Variants in WHRN observed in about 807,000 individuals in gnomAD.
WHRN encodes whirlin.
WHRN carries 41 observed loss-of-function variants against 68.3 expected under a neutral mutation model. That is an observed-to-expected ratio of 0.60 (90% CI 0.47 to 0.78). The LOEUF (loss-of-function observed/expected upper bound fraction) is 0.78, where lower values mean the gene tolerates loss of function less well. Among genes scored for constraint, WHRN ranks in the 30% least tolerant of loss-of-function variants. The pLI is 0.00. For missense variants in WHRN, 1,243 were observed against 1,244.7 expected (o/e 1.00, Z 0.02); for synonymous variants, 560 against 561.3 (o/e 1.00, Z 0.03).
At chr9:114,438,653 C>CG (rs773320500) in intron 3 of WHRN, among the ~76,000 whole-genome samples, 12 of 151,960 alleles carry the variant, frequency 7.9e-5, no homozygotes, top group Admixed American at 3.3e-4. Context: ...GGGGTTTCAC[C>CG]TGTTAGCCAG....
intron 2 of WHRN, among the ~76,000 whole-genome samples, chr9:114,466,953 G>A (rs904486209): frequency 6.7e-6 from 1 of 149,786 alleles, no homozygotes; most frequent in Non-Finnish European, 1.5e-5. Context: ...GTCACCTCAG[G>A]GTCTCCTGTC....
At chr9:114,450,343 C>T (rs1469899339) in intron 3 of WHRN, among the ~76,000 whole-genome samples, 1 of 152,164 alleles carries the variant, frequency 6.6e-6, no homozygotes, top group African/African-American at 2.4e-5. Flanking sequence ...GAGGGACAGG[C>T]AGGATTAGCC....
intron 1 of WHRN, among the ~76,000 whole-genome samples, chr9:114,487,132 A>AAT (rs1052504595): frequency 3.4e-5 from 5 of 149,102 alleles, no homozygotes; most frequent in African/African-American, 9.9e-5. Flanking sequence ...TAAATTAGTC[A>AAT]ATATATATAT....
Position 114,418,610 on chromosome 9 carries a change from G to GC in WHRN, c.1626+4703dup, listed in dbSNP as rs201913550. Reference sequence around the variant, plus strand: ...CAGAGTCAAAGTCCTCAGCATGTCTGCCCCCGTACTCCCTCTGCTCTGGCC... The same window carrying GC: ...CAGAGTCAAAGTCCTCAGCATGTCTGCCCCCCGTACTCCCTCTGCTCTGGCC... On this transcript the variant is annotated intron_variant, in intron 7 of 11. Transcript: ENST00000362057. 2.9e-3 allele frequency among the ~76,000 whole-genome samples: 439 copies of GC among 152,320 alleles called. 6 individuals are homozygous for GC. Among genetic ancestry groups the GC allele is most frequent in the African/African-American group, 0.01 (422 of 41,574 alleles).
At chr9:114,471,666 G>C in intron 2 of WHRN, among the ~76,000 whole-genome samples, 1 of 152,216 alleles carries the variant, frequency 6.6e-6, no homozygotes, top group East Asian at 1.9e-4. Context: ...CTAGGTCCAA[G>C]AGGCAGCCGG....
Position 114,406,365 on chromosome 9 carries a change from G to C in WHRN, c.2226C>G (p.Pro742=), listed in dbSNP as rs1201515871. 1.2e-6 allele frequency: 2 copies of C among 1,613,984 alleles called. No homozygotes were observed. The highest frequency in any genetic ancestry group is 2.7e-5 in the African/African-American group (2 of 74,938). The change falls in exon 9 of 12, where the codon CCC becomes CCG. Residue 742 remains proline (P), a synonymous_variant. Transcript: ENST00000362057. ...CCTTGCTGTACTCACTGCGCGTCTG[G>C]GGCAGCGCCCTCACTTCATTGACGT... ...EPDVNEVRAL[P]QTRTASTLSQ...
chr9:114,436,991 A>G (rs1180369981), intron 3 of WHRN, among the ~76,000 whole-genome samples: 3 of 152,230 alleles, frequency 2.0e-5, no homozygotes, highest in African/African-American at 7.2e-5. Context: ...AAACCCTGAT[A>G]CAGAAAAGCT....
intron 8 of WHRN, 68 bp downstream of exon 8, chr9:114,407,879 G>A (rs1835149846): frequency 5.9e-6 from 8 of 1,356,162 alleles, no homozygotes; most frequent in Non-Finnish European, 8.3e-6. Flanking sequence ...CTGTCATGGA[G>A]AGGAGAGAGC....
intron 3 of WHRN, among the ~76,000 whole-genome samples, chr9:114,443,922 T>C (rs567541623): frequency 2.0e-4 from 31 of 152,292 alleles, no homozygotes; most frequent in African/African-American, 6.5e-4. Flanking sequence ...ACGTCTTACA[T>C]GGCAGCAGGC....
At chr9:114,410,169 C>A (rs965242795) in intron 7 of WHRN, among the ~76,000 whole-genome samples, 4 of 152,194 alleles carry the variant, frequency 2.6e-5, no homozygotes, top group Non-Finnish European at 5.9e-5. Context: ...GCCCCACCCC[C>A]ATCCCTGTCT....
At chr9:114,429,656 C>CCAA (rs754481420) in intron 3 of WHRN, among the ~76,000 whole-genome samples, 6 of 152,168 alleles carry the variant, frequency 3.9e-5, no homozygotes, top group Non-Finnish European at 7.3e-5. Context: ...GAGACAAGAC[C>CCAA]CAACACCTGG....
intron 2 of WHRN, among the ~76,000 whole-genome samples, chr9:114,470,111 C>T (rs1841080603): frequency 6.6e-6 from 1 of 152,182 alleles, no homozygotes; most frequent in African/African-American, 2.4e-5. Context: ...TATAAGGGTT[C>T]CACTCACAGG....
At chr9:114,486,943 G>T (rs1365655146) in intron 1 of WHRN, among the ~76,000 whole-genome samples, 2 of 1,218 alleles carry the variant, frequency 1.6e-3, no homozygotes, top group Admixed American at 0.017. Flanking sequence ...TGTGTGTGTT[G>T]TGTGTGTGTG....
In WHRN at chr9:114,424,378, C is replaced by T. The variant is rs769022650; in HGVS notation, c.1372G>A (p.Ala458Thr). 6.8e-6 allele frequency: 11 copies of T among 1,612,496 alleles called. No individual in the cohort carries two copies. The South Asian group carries it at 1.1e-4, about 16-fold the overall frequency. ...AGCTTGAACAGGGCCATGACGAGGG[C>T]CTCCACAGAGACGCTGCCACCACGG... ...EYRGGSVSVEALVMALFKLLN... is the reference protein window; with the variant it reads ...EYRGGSVSVETLVMALFKLLN... The change falls in exon 6 of 12, where the codon GCC (alanine) becomes ACC (threonine). Residue 458 changes from alanine to threonine, a missense_variant. By Grantham distance (58) the Ala-to-Thr change is moderately conservative. Coordinates refer to ENST00000362057, the MANE Select transcript of WHRN (RefSeq NM_015404.4).
At chr9:114,429,926 C>A (rs1188935774) in intron 3 of WHRN, among the ~76,000 whole-genome samples, 1 of 152,228 alleles carries the variant, frequency 6.6e-6, no homozygotes, top group Non-Finnish European at 1.5e-5. Flanking sequence ...CATCTCTCAT[C>A]TCTGCTGGGC....
rs1836511698 is a variant in WHRN at position 114,423,502 on chromosome 9, T to C, written c.1438A>G (p.Arg480Gly). 6.2e-7 allele frequency: 1 copy of C among 1,611,564 alleles called. No homozygotes were observed. Among genetic ancestry groups the C allele is most frequent in the South Asian group, 1.1e-5 (1 of 91,022 alleles). ...AGGTCTTGCGGGGAAATGGTGCCTC[T>C]CACCTCAGAGAGGAGTGAGAACTGG... ...HAKFSLLSEV[R>G]GTISPQDLER... is the part of the protein sequence containing the mutation. Residue 480 changes from arginine (R) to glycine (G), a missense_variant, in exon 7 of 12, where the codon AGA becomes GGA. Arg to Gly is a moderately radical substitution (Grantham distance 125). Coordinates refer to ENST00000362057, the MANE Select transcript of WHRN (RefSeq NM_015404.4).
intron 7 of WHRN, among the ~76,000 whole-genome samples, chr9:114,418,181 T>C (rs1451012749): frequency 1.3e-5 from 2 of 152,124 alleles, no homozygotes; most frequent in Admixed American, 6.5e-5. Context: ...GGTACCTCCA[T>C]CAGGTCTATA....
chr9:114,457,520 T>C (rs748856882), intron 3 of WHRN, among the ~76,000 whole-genome samples: 18 of 152,106 alleles, frequency 1.2e-4, no homozygotes, highest in Non-Finnish European at 2.1e-4. Context: ...TCCTTTCCCA[T>C]TAATAAACAT....
rs922161913 is a variant in WHRN, at chr9:114,469,018, T to G, written c.838-2626A>C. Among the ~76,000 whole-genome samples the G allele has an allele frequency of 7.2e-5, 11 of 152,382 alleles. No individual in the cohort carries two copies. In the South Asian group the frequency reaches 1.2e-3, roughly 17 times the overall value. On this transcript the variant is annotated intron_variant, in intron 2 of 11. Coordinates refer to ENST00000362057, the MANE Select transcript of WHRN (RefSeq NM_015404.4). ...CCCCGGCCAAGTTGCTTCACCTCTC[T>G]GTGCCTCAGTTTCTTCATCTAGAAA...
Sources: allele counts gnomAD v4.1 joint callset (sites outside exome capture counted in the v4.1 genomes callset), GRCh38; gene constraint gnomAD v4.1.1; transcripts MANE v1.5; gene names NCBI Gene and HGNC (gene_info 2026-07-23, HGNC 2026-07-21).